UNC13C: variants seen among roughly 807,000 people sequenced by gnomAD.
UNC13C encodes protein unc-13 homolog C.
UNC13C carries 174 observed loss-of-function variants against 245.4 expected under a neutral mutation model. That is an observed-to-expected ratio of 0.71 (90% CI 0.63 to 0.80). The LOEUF (loss-of-function observed/expected upper bound fraction) is 0.80. UNC13C is among the 30% of genes least tolerant of loss of function. UNC13C has a pLI of 0.00. For missense variants in UNC13C, 2,829 were observed against 2,602.9 expected, an observed-to-expected ratio of 1.09 and a Z score of -1.89; for synonymous variants, 992 against 895.1, an observed-to-expected ratio of 1.11 and a Z score of -1.93.
intron 19 of UNC13C, among the ~76,000 whole-genome samples, chr15:54,442,117 G>C (rs1467000745): frequency 2.6e-5 from 4 of 151,902 alleles, no homozygotes; most frequent in Admixed American, 6.6e-5. Context: ...TCCACAAAGA[G>C]AGATAATTTG....
intron 2 of UNC13C, among the ~76,000 whole-genome samples, chr15:54,086,781 G>C (rs1284294577): frequency 8.1e-6 from 1 of 123,362 alleles, no homozygotes; most frequent in Admixed American, 1.0e-4. Context: ...AGTCGCCCAG[G>C]CTGGAGTGCA....
chr15:53,841,631 A>G, the UNC13C span, among the ~76,000 whole-genome samples: 1 of 152,210 alleles, frequency 6.6e-6, no homozygotes, highest in Admixed American at 6.5e-5. Flanking sequence ...AGAGCTCCCC[A>G]CAAGGTAGCT....
intron 2 of UNC13C, among the ~76,000 whole-genome samples, chr15:54,080,651 G>A (rs1898892134): frequency 6.6e-6 from 1 of 151,968 alleles, no homozygotes; most frequent in Non-Finnish European, 1.5e-5. Flanking sequence ...TATTTTTGTG[G>A]TGTCGGGTGT....
chr15:54,518,289 G>C (rs976987639), intron 24 of UNC13C, among the ~76,000 whole-genome samples: 5 of 152,080 alleles, frequency 3.3e-5, no homozygotes, highest in Non-Finnish European at 4.4e-5. Context: ...AAGGTTTTTT[G>C]GTTGGCGAGC....
rs370975406 is a variant in UNC13C, at chr15:54,089,547, T to C, written c.2984-53471T>C. The stretch of plus-strand genomic sequence containing the variant: ...TCATCGTATGTGCATGTGTGTTCAC[T>C]GGGGTAGAGAGTGCTGAGTGGAGGA... On this transcript the variant is annotated intron_variant, in intron 2 of 32. Transcript: ENST00000260323. Among the ~76,000 whole-genome samples, 11 of 152,270 alleles carry C rather than the reference T, an allele frequency of 7.2e-5. No homozygotes were observed. In the East Asian group the frequency reaches 1.5e-3, roughly 21 times the overall value.
chr15:54,229,088 G>A (rs1183855202), intron 4 of UNC13C, among the ~76,000 whole-genome samples: 1 of 152,194 alleles, frequency 6.6e-6, no homozygotes, highest in Non-Finnish European at 1.5e-5. Flanking sequence ...GGCACTGGCT[G>A]AGTTCTGCCT....
rs148516034 is a variant in UNC13C, at chr15:54,592,529, G to A, written c.6106+24582G>A. Among the ~76,000 whole-genome samples the A allele has an allele frequency of 2.2e-4, 33 of 152,246 alleles. No individual in the cohort carries two copies. The East Asian group carries it at 6.0e-3, about 28-fold the overall frequency. ...TTGTGATATTTTCCTGTTGGACAAG[G>A]CCTTTTACCATTCTATACTGTCCCT... On this transcript the variant is annotated intron_variant, in intron 30 of 32. Transcript: ENST00000260323.
the UNC13C span, among the ~76,000 whole-genome samples, chr15:53,963,638 A>G: frequency 6.6e-6 from 1 of 152,188 alleles, no homozygotes; most frequent in Non-Finnish European, 1.5e-5. Context: ...ACTGAAAAAT[A>G]ATAATAATGT....
At chr15:54,572,064 C>T (rs1049525188) in intron 30 of UNC13C, among the ~76,000 whole-genome samples, 3 of 152,066 alleles carry the variant, frequency 2.0e-5, no homozygotes, top group Non-Finnish European at 4.4e-5. Flanking sequence ...CCAGGCAGAC[C>T]ACTTACCTTT....
chr15:54,278,485 T>G (rs776424688), intron 10 of UNC13C, among the ~76,000 whole-genome samples: 1 of 152,138 alleles, frequency 6.6e-6, no homozygotes, highest in Non-Finnish European at 1.5e-5. Flanking sequence ...CTCTCTAGGA[T>G]CAATGCTGTT....
chr15:54,538,415 T>A (rs1896092436), intron 26 of UNC13C, among the ~76,000 whole-genome samples: 1 of 151,954 alleles, frequency 6.6e-6, no homozygotes, highest in African/African-American at 2.4e-5. Context: ...AGTTAATTCA[T>A]CCACTGTGGA....
chr15:54,352,381 C>A (rs1326203196), intron 17 of UNC13C, among the ~76,000 whole-genome samples: 1 of 147,444 alleles, frequency 6.8e-6, no homozygotes, highest in Non-Finnish European at 1.5e-5. Context: ...GTCAGGTTAT[C>A]CTCTCTGAAG....
Position 54,401,385 on chromosome 15 carries a change from C to T in UNC13C, c.4847+8204C>T, listed in dbSNP as rs1377681967. On this transcript the variant is annotated intron_variant, in intron 18 of 32. Coordinates refer to ENST00000260323, the MANE Select transcript of UNC13C (RefSeq NM_001080534.3). ...TACTGTGCCTGCCACAGTCACAAGT[C>T]ATTCTGTGATTAAACTCCTCCTACA... is the stretch of plus-strand genomic sequence containing the variant. 3.9e-4 allele frequency among the ~76,000 whole-genome samples: 60 copies of T among 152,096 alleles called. 1 individual carries two copies.
intron 17 of UNC13C, among the ~76,000 whole-genome samples, chr15:54,390,880 A>G (rs886286253): frequency 2.0e-5 from 3 of 151,252 alleles, no homozygotes; most frequent in African/African-American, 7.3e-5. Flanking sequence ...ATACGCTATT[A>G]AAGTAGGGAA....
intron 1 of UNC13C, among the ~76,000 whole-genome samples, chr15:53,991,979 T>C (rs1894412015): frequency 6.6e-6 from 1 of 152,178 alleles, no homozygotes; most frequent in Admixed American, 6.5e-5. Context: ...TTTTCTGGCA[T>C]TATATAGTAT....
intron 19 of UNC13C, among the ~76,000 whole-genome samples, chr15:54,415,653 C>T (rs2040503087): frequency 6.6e-6 from 1 of 152,104 alleles, no homozygotes; most frequent in African/African-American, 2.4e-5. Flanking sequence ...AAACTAACAA[C>T]CTAGTAGAAA....
intron 8 of UNC13C, among the ~76,000 whole-genome samples, chr15:54,259,681 T>C (rs934853783): frequency 2.6e-5 from 4 of 151,858 alleles, no homozygotes; most frequent in Non-Finnish European, 5.9e-5. Flanking sequence ...TGTGCACTTT[T>C]ACCTTATTTA....
intron 24 of UNC13C, among the ~76,000 whole-genome samples, chr15:54,519,591 C>G (rs1895130416): frequency 6.6e-6 from 1 of 152,126 alleles, no homozygotes; most frequent in African/African-American, 2.4e-5. Flanking sequence ...ATACCTCTAG[C>G]ATAACATTCA....
At chr15:53,974,213 A>G (rs1445660996), upstream of UNC13C, among the ~76,000 whole-genome samples, 3 of 152,210 alleles carry the variant, frequency 2.0e-5, no homozygotes, top group Admixed American at 2.0e-4. Context: ...CTGACTCACT[A>G]TTGTTGGAAT....
Sources: allele counts gnomAD v4.1 joint callset (sites outside exome capture counted in the v4.1 genomes callset), GRCh38; gene constraint gnomAD v4.1.1; transcripts MANE v1.5; gene names NCBI Gene and HGNC (gene_info 2026-07-23, HGNC 2026-07-21).